The following MEGF10 variants were observed in gnomAD, a reference collection of about 807,000 sequenced individuals.
MEGF10 encodes multiple EGF like domains 10, also known as multiple epidermal growth factor-like domains protein 10.
In MEGF10, 86 loss-of-function variants were observed where a neutral mutation model predicts 147.5. That is an observed-to-expected ratio of 0.58 (90% CI 0.49 to 0.70). The LOEUF (loss-of-function observed/expected upper bound fraction) is 0.70. Ranked by LOEUF, MEGF10 falls within the 30% of genes least tolerant of loss-of-function variation. The pLI is 0.00. For synonymous variants in MEGF10, 478 were observed against 525.5 expected, an observed-to-expected ratio of 0.91 and a Z score of 1.24; for missense variants, 1,329 against 1,487.3, an observed-to-expected ratio of 0.89 and a Z score of 1.75.
rs1766453707 is a variant in MEGF10 at position 127,458,647 on chromosome 5, G to A, written c.*1329G>A. 6.6e-6 allele frequency: 1 copy of A among 152,082 alleles called. No homozygotes were observed. The highest frequency in any genetic ancestry group is 2.1e-4 in the South Asian group (1 of 4,826). 9.4% of individuals were successfully genotyped at this position (152,082 alleles called of 1,614,324 possible). ...AATTGGTCGTTACTAAAATAGTATA[G>A]TAACCACAAGTGATTGGCTTATAAA... On this transcript the variant is annotated 3_prime_UTR_variant, in exon 25 of 25. Transcript: ENST00000503335.
chr5:127,447,521 GCCTGCTGCCTTAA>G, intron 20 of MEGF10, 23 bp from the exon 21 acceptor site: 1 of 1,613,102 alleles, frequency 6.2e-7, no homozygotes, highest in Non-Finnish European at 8.5e-7. Flanking sequence ...ATTTATGGGA[GCCTGCTGCCTTAA>G]CCATTTCCTT....
the MEGF10 span, among the ~76,000 whole-genome samples, chr5:127,240,469 T>A: frequency 6.6e-6 from 1 of 152,182 alleles, no homozygotes; most frequent in Admixed American, 6.6e-5. Flanking sequence ...TTTTTAACTA[T>A]TTTTTTCACT....
Position 127,304,741 on chromosome 5 carries a change from C to T in MEGF10, c.-19+13685C>T, listed in dbSNP as rs191828553. ...AACTCATGACCTCAAGTGATCCACC[C>T]GCCTTGGCCTCCTAAAGTTCTGGAG... On this transcript the variant is annotated intron_variant, in intron 1 of 24. Coordinates refer to ENST00000503335, the MANE Select transcript of MEGF10 (RefSeq NM_001256545.2). 8.5e-5 allele frequency among the ~76,000 whole-genome samples: 13 copies of T among 152,294 alleles called. No homozygotes were observed. The East Asian group carries it at 9.7e-4, about 11-fold the overall frequency.
the MEGF10 span, among the ~76,000 whole-genome samples, chr5:127,240,998 ATC>A: frequency 2.6e-5 from 4 of 152,136 alleles, no homozygotes; most frequent in African/African-American, 9.7e-5. Context: ...CTTCAGATTT[ATC>A]TCTCCTTGTT....
rs138142838 is a variant in MEGF10 at position 127,308,450 on chromosome 5, G to A, written c.-19+17394G>A. Among the ~76,000 whole-genome samples the A allele has an allele frequency of 4.9e-3, 753 of 152,216 alleles. 8 individuals are homozygous for A. The highest frequency in any genetic ancestry group is 0.017 in the African/African-American group (700 of 41,526). Reference sequence around the variant, plus strand: ...AATTCTGACATTGCACAGTGGCTGCGAAATGCTTGACGCCCTTTTGGTTTC... The same window carrying A: ...AATTCTGACATTGCACAGTGGCTGCAAAATGCTTGACGCCCTTTTGGTTTC... On this transcript the variant is annotated intron_variant, in intron 1 of 24. Transcript: ENST00000503335.
chr5:127,307,387 G>A (rs1322312299), intron 1 of MEGF10, among the ~76,000 whole-genome samples: 1 of 152,204 alleles, frequency 6.6e-6, no homozygotes, highest in African/African-American at 2.4e-5. Context: ...TTCATCACTG[G>A]CAAAAGCTAT....
chr5:127,353,399 A>G (rs1170393864), intron 4 of MEGF10, among the ~76,000 whole-genome samples: 1 of 152,194 alleles, frequency 6.6e-6, no homozygotes, highest in African/African-American at 2.4e-5. Context: ...ATTTAGTGAC[A>G]TGGGACTTGG....
Position 127,419,022 on chromosome 5 carries a change from A to G in MEGF10, c.1306-98A>G, listed in dbSNP as rs532257593. On this transcript the variant is annotated intron_variant, in intron 10 of 24. Coordinates refer to ENST00000503335, the MANE Select transcript of MEGF10 (RefSeq NM_001256545.2). ...TACAGTGTGTTAAAATTAGAGAGGA[A>G]GTATAATTAGCATTGCCAAGATATA... 23 of 1,346,116 alleles carry G rather than the reference A, an allele frequency of 1.7e-5. No individual in the cohort carries two copies. The African/African-American group carries it at 2.3e-4, about 14-fold the overall frequency. The allele number at this position is 1,346,116 out of a possible 1,614,324, so 83.4% of individuals were successfully genotyped here. A position where few individuals can be genotyped will look rare whatever the true frequency, so the allele number is the denominator to read the frequency against.
At chr5:127,364,086 C>A (rs1415531305) in intron 4 of MEGF10, among the ~76,000 whole-genome samples, 1 of 152,192 alleles carries the variant, frequency 6.6e-6, no homozygotes, top group Admixed American at 6.5e-5. Context: ...TAACTGCTTC[C>A]ACAGTCCCCA....
chr5:127,340,686 C>A, intron 4 of MEGF10, 56 bp downstream of exon 4: 1 of 1,439,448 alleles, frequency 6.9e-7, no homozygotes, highest in Non-Finnish European at 9.8e-7. Flanking sequence ...TGCTGGTTTG[C>A]TTCCATTAAT....
intron 1 of MEGF10, among the ~76,000 whole-genome samples, chr5:127,328,801 A>G (rs74976943): frequency 0.017 from 2,573 of 152,172 alleles, 34 homozygotes; most frequent in Middle Eastern, 0.054. Context: ...AATGAAAGCT[A>G]AACACATTTC....
In MEGF10 at chr5:127,311,839, A is replaced by G. The variant is rs372522827; in HGVS notation, c.-18-19452A>G. On this transcript the variant is annotated intron_variant, in intron 1 of 24. Transcript: ENST00000503335. The stretch of plus-strand genomic sequence containing the variant: ...TCTAATATGCATGTTACAGAATGCA[A>G]CGTTAAATTCCTGAAATCTCGTTTG... Among the ~76,000 whole-genome samples the G allele has an allele frequency of 9.2e-5, 14 of 152,326 alleles. 1 individual carries two copies. The highest frequency in any genetic ancestry group is 4.6e-4 in the Admixed American group (7 of 15,300).
chr5:127,354,856 T>C (rs1240283736), intron 4 of MEGF10, among the ~76,000 whole-genome samples: 2 of 152,218 alleles, frequency 1.3e-5, no homozygotes, highest in East Asian at 3.8e-4. Context: ...GGATTTTCAA[T>C]GGCTATGTTT....
chr5:127,364,400 T>C (rs914972717), intron 4 of MEGF10, among the ~76,000 whole-genome samples: 1 of 152,214 alleles, frequency 6.6e-6, no homozygotes, highest in Non-Finnish European at 1.5e-5. Flanking sequence ...GAAACCTCTC[T>C]TATTATCCCT....
intron 1 of MEGF10, among the ~76,000 whole-genome samples, chr5:127,322,657 T>C (rs545774766): frequency 1.3e-5 from 2 of 152,326 alleles, no homozygotes; most frequent in East Asian, 3.9e-4. Flanking sequence ...AAATAACAAA[T>C]GTTTGTTCAT....
chr5:127,237,677 C>T, the MEGF10 span, among the ~76,000 whole-genome samples: 29 of 152,072 alleles, frequency 1.9e-4, no homozygotes, highest in Admixed American at 2.0e-4. Flanking sequence ...GAAGCCCAGA[C>T]GGGACTGTTT....
intron 20 of MEGF10, among the ~76,000 whole-genome samples, chr5:127,446,210 A>AT (rs1765937814): frequency 1.3e-5 from 2 of 152,152 alleles, no homozygotes; most frequent in South Asian, 4.1e-4. Flanking sequence ...AAAACTCTTG[A>AT]TTTTTTCTGT....
chr5:127,336,316 G>A (rs1363796233), intron 2 of MEGF10, among the ~76,000 whole-genome samples: 6 of 151,816 alleles, frequency 4.0e-5, no homozygotes, highest in African/African-American at 1.5e-4. Context: ...TCCATGGAAA[G>A]CTATATTGTA....
chr5:127,248,417 T>C, the MEGF10 span, among the ~76,000 whole-genome samples: 5 of 152,070 alleles, frequency 3.3e-5, no homozygotes, highest in African/African-American at 1.2e-4. Context: ...CCTGAGATGA[T>C]TCAGATTTTG....
Sources: allele counts gnomAD v4.1 joint callset (sites outside exome capture counted in the v4.1 genomes callset), GRCh38; gene constraint gnomAD v4.1.1; transcripts MANE v1.5; gene names NCBI Gene and HGNC (gene_info 2026-07-23, HGNC 2026-07-21).